Variants in ZEB1 observed in about 807,000 individuals in gnomAD.
The protein encoded by ZEB1 is zinc finger E-box binding homeobox 1, also known as zinc finger E-box-binding homeobox 1.
In ZEB1, 21 loss-of-function variants were observed where a neutral mutation model predicts 84.9. The observed-to-expected ratio is 0.25, with a 90% CI of 0.18 to 0.36. ZEB1 has a LOEUF of 0.36. Ranked by LOEUF, ZEB1 falls within the 10% of genes least tolerant of loss-of-function variation. ZEB1 has a pLI of 1.00. For missense variants in ZEB1, 1,104 were observed against 1,330.2 expected (o/e 0.83, Z 2.65); for synonymous variants, 420 against 471.1 (o/e 0.89, Z 1.41).
At chr10:31,447,495 G>A (rs1591376463) in intron 1 of ZEB1, among the ~76,000 whole-genome samples, 1 of 132,190 alleles carries the variant, frequency 7.6e-6, no homozygotes, top group East Asian at 2.1e-4. Context: ...AGTTCATGCA[G>A]TTTCTTCCTA....
intron 2 of ZEB1, among the ~76,000 whole-genome samples, chr10:31,472,354 A>T (rs1398137175): frequency 2.0e-5 from 3 of 152,218 alleles, no homozygotes; most frequent in Non-Finnish European, 4.4e-5. Context: ...AAATAGATGC[A>T]ATAAAAAATG....
intron 6 of ZEB1, among the ~76,000 whole-genome samples, chr10:31,519,036 C>G (rs1405874701): frequency 6.6e-6 from 1 of 152,030 alleles, no homozygotes; most frequent in African/African-American, 2.4e-5. Flanking sequence ...TATTTTGATA[C>G]TAAGTAGACA....
At chr10:31,475,989 T>C (rs1251896663) in intron 2 of ZEB1, among the ~76,000 whole-genome samples, 1 of 151,940 alleles carries the variant, frequency 6.6e-6, no homozygotes, top group African/African-American at 2.4e-5. Flanking sequence ...AAATAAACAC[T>C]AGCAAATTGG....
chr10:31,326,902 T>G (rs2035619202), intron 1 of ZEB1, among the ~76,000 whole-genome samples: 2 of 152,096 alleles, frequency 1.3e-5, no homozygotes, highest in African/African-American at 4.8e-5. Flanking sequence ...GGATTATACT[T>G]TTGGTCACTA....
chr10:31,318,563 C>T (rs1456595459), upstream of ZEB1: 1 of 153,032 alleles, frequency 6.5e-6, no homozygotes, highest in African/African-American at 2.4e-5. Flanking sequence ...GGAAGGGAGT[C>T]CGGGCTGCGC....
In ZEB1 at chr10:31,520,319, AC is replaced by A; in HGVS notation, c.988del (p.Arg330GlyfsTer4). Reference sequence around the variant, plus strand: ...CAGGCAGTCCCACACGACCACAGATACGGCAAAAGATAGAGAATAAACCCCT... The same window carrying A: ...CAGGCAGTCCCACACGACCACAGATAGGCAAAAGATAGAGAATAAACCCCT... Reference protein sequence around the residue: ...SPGSPTRPQIRQKIENKPLQE... With the variant: ...SPGSPTRPQIXQKIENKPLQE... On this transcript the variant is annotated frameshift_variant, in exon 7 of 9. Transcript: ENST00000424869. LOFTEE classifies it high-confidence loss of function. The surrounding 1 kb of genome is among the most constrained non-coding windows in gnomAD (Gnocchi z 5.1). 6.2e-7 allele frequency: 1 copy of A among 1,614,004 alleles called. No homozygotes were observed. The highest frequency in any genetic ancestry group is 8.5e-7 in the Non-Finnish European group (1 of 1,179,928).
intron 1 of ZEB1, among the ~76,000 whole-genome samples, chr10:31,395,512 A>G (rs1331731774): frequency 6.6e-6 from 1 of 152,134 alleles, no homozygotes. Context: ...ATAGGAAATA[A>G]CCTACTTATT....
At chr10:31,443,881 A>G (rs2059392993) in intron 1 of ZEB1, among the ~76,000 whole-genome samples, 2 of 151,338 alleles carry the variant, frequency 1.3e-5, no homozygotes, top group African/African-American at 4.9e-5. Context: ...ATACGTGTGC[A>G]TGTGTCTTTA....
In ZEB1 at chr10:31,456,847, A is replaced by G. The variant is rs141642984; in HGVS notation, c.59-4190A>G. ...TGTACCAGACACTGATCTAAGCACA[A>G]TACATTTAAAAATCATTATATCTTC... On this transcript the variant is annotated intron_variant, in intron 1 of 8. Coordinates refer to ENST00000424869, the MANE Select transcript of ZEB1 (RefSeq NM_001174096.2). 9.1e-3 allele frequency among the ~76,000 whole-genome samples: 1,388 copies of G among 152,250 alleles called. 13 individuals are homozygous for G. Among genetic ancestry groups the G allele is most frequent in the African/African-American group, 0.031 (1,297 of 41,542 alleles).
At chr10:31,368,035 T>G (rs1196313950) in intron 1 of ZEB1, among the ~76,000 whole-genome samples, 1 of 152,116 alleles carries the variant, frequency 6.6e-6, no homozygotes, top group East Asian at 1.9e-4. Flanking sequence ...TGTGTCTATA[T>G]GTATAGTCAT....
intron 1 of ZEB1, among the ~76,000 whole-genome samples, chr10:31,450,739 A>G (rs964135375): frequency 4.6e-5 from 7 of 152,170 alleles, no homozygotes; most frequent in African/African-American, 1.4e-4. Context: ...GCCTTTCTGT[A>G]TCTATAGATG....
rs558279320 is a variant in ZEB1, at chr10:31,507,209, G to A, written c.485-3464G>A. Among the ~76,000 whole-genome samples the A allele has an allele frequency of 4.1e-4, 62 of 152,124 alleles. No individual in the cohort carries two copies. In the South Asian group the frequency reaches 5.2e-3, roughly 13 times the overall value. ...TTCTGCTGATAAACTGCTATTAGTCGTATGGAGGTTCCCTTACAAGTGATT... is the reference window on the plus strand; with the variant it reads ...TTCTGCTGATAAACTGCTATTAGTCATATGGAGGTTCCCTTACAAGTGATT... On this transcript the variant is annotated intron_variant, in intron 4 of 8. Coordinates refer to ENST00000424869, the MANE Select transcript of ZEB1 (RefSeq NM_001174096.2).
At chr10:31,463,528 C>T (rs901860674) in intron 2 of ZEB1, among the ~76,000 whole-genome samples, 11 of 152,122 alleles carry the variant, frequency 7.2e-5, no homozygotes, top group African/African-American at 2.7e-4. Flanking sequence ...CCAAGACCAC[C>T]AAAGATAGTT....
intron 1 of ZEB1, among the ~76,000 whole-genome samples, chr10:31,391,726 C>T (rs555274491): frequency 6.6e-6 from 1 of 152,130 alleles, no homozygotes; most frequent in Non-Finnish European, 1.5e-5. Context: ...TTTCTGAAAC[C>T]ATAATTTAAA....
chr10:31,348,973 G>A (rs2040822233), intron 1 of ZEB1, among the ~76,000 whole-genome samples: 2 of 152,120 alleles, frequency 1.3e-5, no homozygotes, highest in South Asian at 4.1e-4. Context: ...ATTTTCAGGT[G>A]TACAGTATAT....
intron 1 of ZEB1, chr10:31,381,677 A>G (rs1221654725): frequency 6.6e-6 from 1 of 152,174 alleles, no homozygotes; most frequent in Non-Finnish European, 1.5e-5. Context: ...TGTGTTACCC[A>G]GATACCAGAA....
intron 1 of ZEB1, among the ~76,000 whole-genome samples, chr10:31,436,026 C>G (rs1355700817): frequency 1.3e-5 from 2 of 152,058 alleles, no homozygotes; most frequent in African/African-American, 4.8e-5. Context: ...ATAGCAGAAG[C>G]ATGAAAGTTC....
chr10:31,398,064 C>T (rs1038911035), intron 1 of ZEB1, among the ~76,000 whole-genome samples: 2 of 152,140 alleles, frequency 1.3e-5, no homozygotes, highest in African/African-American at 4.8e-5. Flanking sequence ...TAGTAATCTA[C>T]TTCAAAGAAC....
At chr10:31,388,572 T>G (rs1289379091) in intron 1 of ZEB1, among the ~76,000 whole-genome samples, 1 of 152,106 alleles carries the variant, frequency 6.6e-6, no homozygotes, top group Non-Finnish European at 1.5e-5. Flanking sequence ...TTACTTTTTT[T>G]GTATGTAAAT....
Sources: allele counts gnomAD v4.1 joint callset (sites outside exome capture counted in the v4.1 genomes callset), GRCh38; gene constraint gnomAD v4.1.1; non-coding constraint Gnocchi (gnomAD v3.1); transcripts MANE v1.5; gene names NCBI Gene and HGNC (gene_info 2026-07-23, HGNC 2026-07-21).